VAT1L: variants seen among roughly 807,000 people sequenced by gnomAD.
VAT1L encodes vesicle amine transport 1 like.
Under a neutral mutation model 44.1 loss-of-function variants are expected in VAT1L, and 34 were observed. The observed-to-expected ratio is 0.77, with a 90% CI of 0.59 to 1.03. The LOEUF (loss-of-function observed/expected upper bound fraction) is 1.03, where lower values mean the gene tolerates loss of function less well. Ranked by LOEUF, VAT1L falls within the 50% of genes least tolerant of loss-of-function variation. VAT1L has a pLI of 0.00. For missense variants in VAT1L, 615 were observed against 538.8 expected, an observed-to-expected ratio of 1.14 and a Z score of -1.40; for synonymous variants, 253 against 202.2, an observed-to-expected ratio of 1.25 and a Z score of -2.13.
chr16:77,901,153 CTTTTTTTTTTTTT>C (rs538577571), intron 7 of VAT1L, among the ~76,000 whole-genome samples: 19 of 90,050 alleles, frequency 2.1e-4, no homozygotes, highest in African/African-American at 8.6e-4. Flanking sequence ...AGTAGTTTAC[CTTTTTTTTTTTTT>C]TTTTTTTTTT....
At chr16:77,912,171 A>T (rs2017505910) in intron 7 of VAT1L, among the ~76,000 whole-genome samples, 1 of 151,950 alleles carries the variant, frequency 6.6e-6, no homozygotes. Context: ...TAAAGTCCTG[A>T]CTCTACCACT....
intron 1 of VAT1L, chr16:77,800,287 G>C (rs2016022599): frequency 6.6e-6 from 1 of 152,158 alleles, no homozygotes; most frequent in South Asian, 2.1e-4. Context: ...GCTTCATCGA[G>C]TGCCGCAGAC....
chr16:77,927,802 G>C (rs527672448), intron 7 of VAT1L, among the ~76,000 whole-genome samples: 10 of 152,224 alleles, frequency 6.6e-5, no homozygotes, highest in African/African-American at 2.2e-4. Context: ...CCGGGAGGTG[G>C]AGGTTACAGT....
intron 1 of VAT1L, among the ~76,000 whole-genome samples, chr16:77,794,872 T>C (rs2015900238): frequency 6.6e-6 from 1 of 152,210 alleles, no homozygotes. Flanking sequence ...TTTTATTTAA[T>C]GAAATTTGCA....
intron 7 of VAT1L, among the ~76,000 whole-genome samples, chr16:77,886,785 G>A (rs2017213752): frequency 6.6e-6 from 1 of 152,112 alleles, no homozygotes; most frequent in African/African-American, 2.4e-5. Flanking sequence ...AGTGGAGGGG[G>A]GAGACTTAGT....
At chr16:77,802,251 G>C (rs1318810443) in intron 1 of VAT1L, among the ~76,000 whole-genome samples, 1 of 152,120 alleles carries the variant, frequency 6.6e-6, no homozygotes, top group Non-Finnish European at 1.5e-5. Flanking sequence ...AGCTAGGCCT[G>C]TTTGTTCTTG....
chr16:77,846,286 T>A (rs2016757420), intron 3 of VAT1L, among the ~76,000 whole-genome samples: 2 of 152,140 alleles, frequency 1.3e-5, no homozygotes, highest in African/African-American at 4.8e-5. Flanking sequence ...GATTTCCCAA[T>A]ACCAAAGCAG....
At chr16:77,807,160 G>A (rs1370086309) in intron 1 of VAT1L, among the ~76,000 whole-genome samples, 1 of 152,176 alleles carries the variant, frequency 6.6e-6, no homozygotes, top group Admixed American at 6.5e-5. Context: ...GCTGCTCTGT[G>A]ACCACAGGGG....
chr16:77,844,805 A>G (rs1166139725), intron 3 of VAT1L, among the ~76,000 whole-genome samples: 1 of 152,048 alleles, frequency 6.6e-6, no homozygotes, highest in Admixed American at 6.6e-5. Context: ...ATGGCTATAT[A>G]TACACACAAA....
chr16:77,884,906 G>A lies in VAT1L; in HGVS notation c.1077+104G>A. 1 of 1,285,506 alleles carries A rather than the reference G, an allele frequency of 7.8e-7. No homozygotes were observed. The allele number at this position is 1,285,506 out of a possible 1,614,324, so 79.6% of individuals were successfully genotyped here. On this transcript the variant is annotated intron_variant, in intron 7 of 8. Coordinates refer to ENST00000302536, the MANE Select transcript of VAT1L (RefSeq NM_020927.3). This position sits in a 1 kb window ranked among gnomAD's most constrained non-coding sequence, Gnocchi z 4.5. ...TACTAAATGATTTTTTTCCCAGATG[G>A]GTTTGTTTTAAATGAGGGTCCTAAA...
At chr16:77,906,980 G>T (rs2017444179) in intron 7 of VAT1L, among the ~76,000 whole-genome samples, 1 of 152,108 alleles carries the variant, frequency 6.6e-6, no homozygotes, top group South Asian at 2.1e-4. Context: ...TAAGATATAG[G>T]GACCTATGAA....
chr16:77,839,559 A>G (rs1597060748), intron 3 of VAT1L, among the ~76,000 whole-genome samples: 2 of 147,700 alleles, frequency 1.4e-5, no homozygotes, highest in African/African-American at 4.9e-5. Flanking sequence ...AAAAAAAAAA[A>G]AAAAAAAAAA....
intron 3 of VAT1L, among the ~76,000 whole-genome samples, chr16:77,828,758 G>A (rs1337340710): frequency 6.6e-6 from 1 of 152,184 alleles, no homozygotes; most frequent in Non-Finnish European, 1.5e-5. Context: ...CTCTGATGGA[G>A]GAGGAGGCTG....
At chr16:77,850,236 C>G (rs1208961394) in intron 3 of VAT1L, among the ~76,000 whole-genome samples, 2 of 152,158 alleles carry the variant, frequency 1.3e-5, no homozygotes, top group African/African-American at 4.8e-5. Context: ...TCTCCTAAGC[C>G]CCCACTTTGT....
rs1864228 is a variant in VAT1L, at chr16:77,884,904, T to C, written c.1077+102T>C. The C allele has an allele frequency of 0.6, 786,298 of 1,303,926 alleles. 242,824 individuals carry two copies. Among genetic ancestry groups the C allele is most frequent in the Middle Eastern group, 0.64 (3,173 of 4,980 alleles). 80.8% of individuals were successfully genotyped at this position (1,303,926 alleles called of 1,614,324 possible). A position where few individuals can be genotyped will look rare whatever the true frequency, so the allele number is the denominator to read the frequency against. ...TCTACTAAATGATTTTTTTCCCAGATGGGTTTGTTTTAAATGAGGGTCCTA... is the reference window on the plus strand; with the variant it reads ...TCTACTAAATGATTTTTTTCCCAGACGGGTTTGTTTTAAATGAGGGTCCTA... On this transcript the variant is annotated intron_variant, in intron 7 of 8. Coordinates refer to ENST00000302536, the MANE Select transcript of VAT1L (RefSeq NM_020927.3). This position sits in a 1 kb window ranked among gnomAD's most constrained non-coding sequence, Gnocchi z 4.5.
At position 77,839,943 on chromosome 16, in the gene VAT1L, T is replaced by G. The variant is rs538347792; in HGVS notation, c.579+14482T>G. On this transcript the variant is annotated intron_variant, in intron 3 of 8. Transcript: ENST00000302536. Reference sequence around the variant, plus strand: ...ATTTATGTCTATGATGGCATAGAGTTGAGAGTCTTTGGGGTGAGACTGACC... The same window carrying G: ...ATTTATGTCTATGATGGCATAGAGTGGAGAGTCTTTGGGGTGAGACTGACC... 3.3e-5 allele frequency among the ~76,000 whole-genome samples: 5 copies of G among 152,300 alleles called. No homozygotes were observed. In the South Asian group the frequency reaches 1.0e-3, roughly 32 times the overall value.
chr16:77,811,528 A>T (rs1365531194), intron 1 of VAT1L, among the ~76,000 whole-genome samples: 3 of 152,210 alleles, frequency 2.0e-5, no homozygotes, highest in African/African-American at 4.8e-5. Flanking sequence ...CTTGGCAGTC[A>T]TATAAAAAGG....
In VAT1L at chr16:77,971,872, T is replaced by C. The variant is rs916379641; in HGVS notation, c.1100T>C (p.Ile367Thr). The C allele has an allele frequency of 6.2e-7, 1 of 1,613,834 alleles. No homozygotes were observed. The highest frequency in any genetic ancestry group is 1.3e-5 in the African/African-American group (1 of 75,000). The stretch of plus-strand genomic sequence containing the variant: ...CAGGTGAAGGAGGCCATGCAGCGGA[T>C]TCACGACCGAGGGAACATTGGCAAG... ...LEEVKEAMQRIHDRGNIGKLI... is the reference protein window; with the variant it reads ...LEEVKEAMQRTHDRGNIGKLI... The change falls in exon 8 of 9, where the codon ATT (isoleucine) becomes ACT (threonine). Residue 367 changes from isoleucine to threonine, a missense_variant. Ile to Thr is a moderately conservative substitution (Grantham distance 89). Coordinates refer to ENST00000302536, the MANE Select transcript of VAT1L (RefSeq NM_020927.3).
At chr16:77,929,431 C>T (rs2017704283) in intron 7 of VAT1L, among the ~76,000 whole-genome samples, 2 of 152,256 alleles carry the variant, frequency 1.3e-5, no homozygotes, top group Middle Eastern at 6.8e-3. Flanking sequence ...GCTGAATTTC[C>T]TTCAGTGTTT....
Sources: allele counts gnomAD v4.1 joint callset (sites outside exome capture counted in the v4.1 genomes callset), GRCh38; gene constraint gnomAD v4.1.1; non-coding constraint Gnocchi (gnomAD v3.1); transcripts MANE v1.5; gene names NCBI Gene and HGNC (gene_info 2026-07-23, HGNC 2026-07-21).